Variants in CAMTA1 observed in about 807,000 individuals in gnomAD.
CAMTA1 encodes calmodulin binding transcription activator 1.
Under a neutral mutation model 170.9 loss-of-function variants are expected in CAMTA1, and 27 were observed. That is an observed-to-expected ratio of 0.16 (90% confidence interval 0.12 to 0.22). The LOEUF is 0.22. CAMTA1 is among the 10% of genes least tolerant of loss of function. The pLI, the probability that CAMTA1 is intolerant of heterozygous loss-of-function variation, is 1.00. For synonymous variants in CAMTA1, 833 were observed against 891.5 expected (o/e 0.93, Z 1.17); for missense variants, 1,619 against 2,217.2 (o/e 0.73, Z 5.42).
chr1:7,226,912 A>C (rs945099580), intron 4 of CAMTA1, among the ~76,000 whole-genome samples: 3 of 151,876 alleles, frequency 2.0e-5, no homozygotes, highest in Non-Finnish European at 2.9e-5. Flanking sequence ...GGCTCACTGC[A>C]AGCTCCGCCT....
chr1:6,908,354 G>C (rs1048596898), intron 3 of CAMTA1, among the ~76,000 whole-genome samples: 1 of 152,214 alleles, frequency 6.6e-6, no homozygotes, highest in Non-Finnish European at 1.5e-5. Context: ...TCTCCACCAT[G>C]CCCTCTGCTC....
chr1:7,627,404 A>G (rs2095640682), intron 6 of CAMTA1, among the ~76,000 whole-genome samples: 2 of 152,230 alleles, frequency 1.3e-5, no homozygotes, highest in Admixed American at 1.3e-4. Flanking sequence ...TGTCCTTAGC[A>G]ATAGTGTGAG....
chr1:7,428,306 C>T (rs987130002), intron 5 of CAMTA1, among the ~76,000 whole-genome samples: 7 of 152,020 alleles, frequency 4.6e-5, no homozygotes, highest in African/African-American at 1.7e-4. Context: ...AGCACCTAGA[C>T]CAGTGCCCAG....
chr1:7,405,011 A>G lies in CAMTA1; in HGVS notation c.439-62819A>G, dbSNP rs1049594105. ...GTTGAGGTGAAGTGAAAATATCATT[A>G]CAATAGAGGTGACATTAACTTGCTA... On this transcript the variant is annotated intron_variant, in intron 5 of 22. Transcript: ENST00000303635. 4.6e-5 allele frequency among the ~76,000 whole-genome samples: 7 copies of G among 152,184 alleles called. No individual in the cohort carries two copies. In the East Asian group the frequency reaches 1.4e-3, roughly 29 times the overall value.
intron 3 of CAMTA1, among the ~76,000 whole-genome samples, chr1:7,053,082 C>T (rs993421294): frequency 1.9e-4 from 29 of 152,294 alleles, no homozygotes; most frequent in African/African-American, 5.5e-4. Flanking sequence ...GGAGGGAGCT[C>T]GTGGGGGCGG....
chr1:7,030,348 T>G (rs984801440), intron 3 of CAMTA1, among the ~76,000 whole-genome samples: 5 of 152,232 alleles, frequency 3.3e-5, no homozygotes, highest in Non-Finnish European at 4.4e-5. Flanking sequence ...AAAATATTGG[T>G]TCCCTGAGTT....
intron 6 of CAMTA1, among the ~76,000 whole-genome samples, chr1:7,502,577 G>GC (rs2094024434): frequency 6.6e-6 from 1 of 152,154 alleles, no homozygotes; most frequent in African/African-American, 2.4e-5. Context: ...GTCGCCTTCA[G>GC]CCCCCGGCTT....
rs2096090133 is a variant in CAMTA1 at position 7,674,253 on chromosome 1, C to G, written c.2779+3216C>G. On this transcript the variant is annotated intron_variant, in intron 10 of 22. Transcript: ENST00000303635. The surrounding 1 kb of genome is among the most constrained non-coding windows in gnomAD (Gnocchi z 4.1). ...ACCGTCACAGGTGGCAGGAGACACG[C>G]AGGCACTGAGTGTGTCTTCTGCAAG... Among the ~76,000 whole-genome samples, 1 of 152,176 alleles carries G rather than the reference C, an allele frequency of 6.6e-6. No individual in the cohort carries two copies. Among genetic ancestry groups the G allele is most frequent in the Non-Finnish European group, 1.5e-5 (1 of 68,034 alleles).
intron 5 of CAMTA1, among the ~76,000 whole-genome samples, chr1:7,403,477 C>T (rs912497567): frequency 6.6e-6 from 1 of 152,088 alleles, no homozygotes; most frequent in African/African-American, 2.4e-5. Flanking sequence ...GTGTATGTAG[C>T]GAGATCAGAG....
intron 6 of CAMTA1, among the ~76,000 whole-genome samples, chr1:7,486,271 A>G (rs535624982): frequency 6.6e-6 from 1 of 152,368 alleles, no homozygotes; most frequent in African/African-American, 2.4e-5. Flanking sequence ...GCCAATTTCT[A>G]TGGTGTAAAT....
intron 3 of CAMTA1, among the ~76,000 whole-genome samples, chr1:7,059,778 A>G (rs950816127): frequency 2.6e-5 from 4 of 152,246 alleles, no homozygotes; most frequent in Admixed American, 6.5e-5. Flanking sequence ...TGTTGAAAAT[A>G]GAATAGAAAT....
intron 1 of CAMTA1, among the ~76,000 whole-genome samples, chr1:6,812,122 C>G (rs907498207): frequency 9.9e-5 from 15 of 152,224 alleles, no homozygotes; most frequent in African/African-American, 3.1e-4. Flanking sequence ...TTAGCTTTCT[C>G]TCAGAGCATC....
chr1:7,296,775 G>A (rs1286383693), intron 5 of CAMTA1, among the ~76,000 whole-genome samples: 3 of 152,056 alleles, frequency 2.0e-5, no homozygotes, highest in Non-Finnish European at 4.4e-5. Context: ...AGTCAGACCA[G>A]AGATACAGAC....
At chr1:6,987,120 G>C (rs1236758324) in intron 3 of CAMTA1, among the ~76,000 whole-genome samples, 1 of 151,686 alleles carries the variant, frequency 6.6e-6, no homozygotes, top group Non-Finnish European at 1.5e-5. Context: ...GTCATCACTG[G>C]GTAACTTTTA....
rs562349896 is a variant in CAMTA1, at chr1:7,130,218, T to C, written c.302+38847T>C. Among the ~76,000 whole-genome samples, 304 of 152,272 alleles carry C rather than the reference T, an allele frequency of 2.0e-3. 2 individuals are homozygous for C. The highest frequency in any genetic ancestry group is 7.2e-3 in the African/African-American group (298 of 41,568). The stretch of plus-strand genomic sequence containing the variant: ...CCTCCCAAAGTGCTCGGATTACAGG[T>C]GTGAGGCACCATGCCCAGTCAAATC... On this transcript the variant is annotated intron_variant, in intron 4 of 22. Transcript: ENST00000303635.
intron 7 of CAMTA1, among the ~76,000 whole-genome samples, chr1:7,645,406 G>C (rs921821131): frequency 6.6e-6 from 1 of 152,262 alleles, no homozygotes; most frequent in African/African-American, 2.4e-5. Flanking sequence ...GCCCAGGAGG[G>C]GATGGCACGC....
At chr1:7,394,287 T>C (rs972887566) in intron 5 of CAMTA1, among the ~76,000 whole-genome samples, 4 of 152,218 alleles carry the variant, frequency 2.6e-5, no homozygotes, top group African/African-American at 9.6e-5. Flanking sequence ...ATAATGGCTG[T>C]ACTAATTTAC....
intron 1 of CAMTA1, among the ~76,000 whole-genome samples, chr1:6,802,445 G>C (rs1445443975): frequency 6.6e-6 from 1 of 152,200 alleles, no homozygotes; most frequent in Non-Finnish European, 1.5e-5. Flanking sequence ...CCAGCAGCCT[G>C]CTGATCATTT....
chr1:7,736,905 G>GT lies in CAMTA1; in HGVS notation c.3264-25dup, dbSNP rs774144458. 6.3e-7 allele frequency: 1 copy of GT among 1,576,134 alleles called. No homozygotes were observed. Among genetic ancestry groups the GT allele is most frequent in the African/African-American group, 1.3e-5 (1 of 74,100 alleles). Reference sequence around the variant, plus strand: ...CCTTTTAACGGTGGTGAATAGTGTGGTAATTTCTGGTGCTCTCCCTTATAG... The same window carrying GT: ...CCTTTTAACGGTGGTGAATAGTGTGGTTAATTTCTGGTGCTCTCCCTTATAG... On this transcript the variant is annotated intron_variant, in intron 13 of 22. Transcript: ENST00000303635. This position sits in a 1 kb window ranked among gnomAD's most constrained non-coding sequence, Gnocchi z 4.5.
Sources: allele counts gnomAD v4.1 joint callset (sites outside exome capture counted in the v4.1 genomes callset), GRCh38; gene constraint gnomAD v4.1.1; non-coding constraint Gnocchi (gnomAD v3.1); transcripts MANE v1.5; gene names NCBI Gene and HGNC (gene_info 2026-07-23, HGNC 2026-07-21).